Variants in SGMS1 observed in about 807,000 individuals in gnomAD.
The protein encoded by SGMS1 is phosphatidylcholine:ceramide cholinephosphotransferase 1.
In SGMS1, 13 loss-of-function variants were observed where a neutral mutation model predicts 46.2. The ratio of observed to expected loss-of-function variants is 0.28; its 90% CI spans 0.18 to 0.45. The LOEUF (loss-of-function observed/expected upper bound fraction) is 0.45. Among genes scored for constraint, SGMS1 ranks in the 20% least tolerant of loss-of-function variants. The pLI is 1.00. For synonymous variants in SGMS1, 203 were observed against 187.8 expected (o/e 1.08, Z -0.66); for missense variants, 324 against 519.9 (o/e 0.62, Z 3.66).
At position 50,552,787 on chromosome 10, in the gene SGMS1, TGGG is replaced by T. The variant is rs148969001; in HGVS notation, c.-588-32869_-588-32867del. Among the ~76,000 whole-genome samples, 1,182 of 152,216 alleles carry T rather than the reference TGGG, an allele frequency of 7.8e-3. 14 individuals are homozygous for T. Among genetic ancestry groups the T allele is most frequent in the African/African-American group, 0.027 (1,121 of 41,520 alleles). ...TGTGATTAGGTTAATGACCTTGAGA[TGGG>T]GGGATTATCCTGGTGGGCTCTAAAT... On this transcript the variant is annotated intron_variant, in intron 2 of 10. Transcript: ENST00000361781.
chr10:50,417,144 T>A (rs1418448232), intron 6 of SGMS1, among the ~76,000 whole-genome samples: 2 of 152,152 alleles, frequency 1.3e-5, no homozygotes, highest in Non-Finnish European at 2.9e-5. Flanking sequence ...ATTGTGTATA[T>A]CCTCAGTCGT....
chr10:50,512,264 T>C (rs1837762974), intron 3 of SGMS1, among the ~76,000 whole-genome samples: 1 of 151,866 alleles, frequency 6.6e-6, no homozygotes, highest in African/African-American at 2.4e-5. Flanking sequence ...TCTCCATACA[T>C]GATAGCACTC....
At chr10:50,593,580 C>T (rs1306556234) in intron 1 of SGMS1, among the ~76,000 whole-genome samples, 1 of 152,056 alleles carries the variant, frequency 6.6e-6, no homozygotes, top group Non-Finnish European at 1.5e-5. Context: ...CCACTTCCAC[C>T]ACCAAGATTC....
chr10:50,512,378 T>C (rs541391072), intron 3 of SGMS1, among the ~76,000 whole-genome samples: 26 of 152,126 alleles, frequency 1.7e-4, no homozygotes, highest in Non-Finnish European at 3.5e-4. Context: ...TTTGTTTATA[T>C]GGACATTTGC....
intron 6 of SGMS1, among the ~76,000 whole-genome samples, chr10:50,366,499 C>T (rs993827244): frequency 6.6e-6 from 1 of 152,172 alleles, no homozygotes; most frequent in African/African-American, 2.4e-5. Context: ...GACACATGCA[C>T]ACGTATGTTT....
At chr10:50,556,342 G>A (rs1441983530) in intron 2 of SGMS1, among the ~76,000 whole-genome samples, 2 of 152,210 alleles carry the variant, frequency 1.3e-5, no homozygotes, top group Non-Finnish European at 2.9e-5. Context: ...AGTGCTAAGT[G>A]CCATGGAGGA....
At chr10:50,421,004 A>G (rs569848624) in intron 6 of SGMS1, among the ~76,000 whole-genome samples, 29 of 152,360 alleles carry the variant, frequency 1.9e-4, no homozygotes, top group African/African-American at 6.5e-4. Flanking sequence ...GATGTTTCCA[A>G]TAATCCTTAT....
chr10:50,555,121 C>CT (rs1838179775), intron 2 of SGMS1, among the ~76,000 whole-genome samples: 1 of 152,180 alleles, frequency 6.6e-6, no homozygotes, highest in African/African-American at 2.4e-5. Context: ...GAGCCTGAGC[C>CT]TCAGCAAGAA....
At position 50,343,735 on chromosome 10, in the gene SGMS1, T is replaced by C. The variant is rs1362635298; in HGVS notation, c.380A>G (p.Gln127Arg). ...KIPMPELERS[Q>R]YPMEWGKTFL... The stretch of plus-strand genomic sequence containing the variant: ...AGTCTTGCCCCACTCCATGGGGTAC[T>C]GAGAGCGCTCCAGTTCTGGCATGGG... Residue 127 changes from glutamine to arginine, a missense_variant, in exon 7 of 11, where the codon CAG becomes CGG. Physicochemically the swap from Gln to Arg is conservative, Grantham distance 43. Around this residue, in one of 2 missense-constraint regions of SGMS1, gnomAD observed 150 missense variants for 169.8 expected, o/e 0.88. Transcript: ENST00000361781. The C allele has an allele frequency of 2.5e-6, 4 of 1,614,172 alleles. No homozygotes were observed. The highest frequency in any genetic ancestry group is 3.4e-6 in the Non-Finnish European group (4 of 1,180,032).
chr10:50,482,320 C>T (rs563247508), intron 3 of SGMS1, among the ~76,000 whole-genome samples: 1 of 152,320 alleles, frequency 6.6e-6, no homozygotes, highest in South Asian at 2.1e-4. Flanking sequence ...AACAGCAGAA[C>T]TCTCAGTGGA....
chr10:50,437,031 A>G (rs1849482686), intron 5 of SGMS1, among the ~76,000 whole-genome samples: 1 of 152,226 alleles, frequency 6.6e-6, no homozygotes, highest in South Asian at 2.1e-4. Flanking sequence ...TATCAGTACA[A>G]TAACCAGATG....
At chr10:50,600,280 G>A (rs569285781) in intron 1 of SGMS1, among the ~76,000 whole-genome samples, 4 of 152,304 alleles carry the variant, frequency 2.6e-5, no homozygotes, top group African/African-American at 9.6e-5. Flanking sequence ...AAGGGCACTT[G>A]CTTGGGCTTG....
At chr10:50,464,805 G>A (rs986883475) in intron 4 of SGMS1, among the ~76,000 whole-genome samples, 2 of 152,154 alleles carry the variant, frequency 1.3e-5, no homozygotes, top group African/African-American at 4.8e-5. Context: ...AAATTTGTGT[G>A]GAACAAAGAA....
intron 6 of SGMS1, among the ~76,000 whole-genome samples, chr10:50,361,212 G>C (rs1848242274): frequency 6.6e-6 from 1 of 152,132 alleles, no homozygotes; most frequent in African/African-American, 2.4e-5. Context: ...GATCAGTCAA[G>C]AGCTGGCGAT....
In SGMS1 at chr10:50,623,773, G is replaced by A. The variant is rs974271328; in HGVS notation, c.-750C>T. ...AGCCCCCGCCGCGGAATGAAATCCGGGGCAGGGCAGCGTCGGGGCTCCGCA... is the reference window on the plus strand; with the variant it reads ...AGCCCCCGCCGCGGAATGAAATCCGAGGCAGGGCAGCGTCGGGGCTCCGCA... On this transcript the variant is annotated 5_prime_UTR_variant, in exon 1 of 11. Transcript: ENST00000361781. The A allele has an allele frequency of 2.0e-6, 2 of 985,408 alleles. No individual in the cohort carries two copies. The highest frequency in any genetic ancestry group is 3.5e-5 in the African/African-American group (2 of 57,246). The allele number at this position is 985,408 out of a possible 1,614,324, so 61.0% of individuals were successfully genotyped here.
intron 2 of SGMS1, among the ~76,000 whole-genome samples, chr10:50,537,465 A>T (rs1246150479): frequency 2.1e-5 from 3 of 144,982 alleles, no homozygotes; most frequent in Non-Finnish European, 3.0e-5. Context: ...ATATATATAT[A>T]TTTTATTATA....
At chr10:50,575,747 G>A (rs78333263) in intron 2 of SGMS1, among the ~76,000 whole-genome samples, 1,607 of 152,034 alleles carry the variant, frequency 0.011, 12 homozygotes, top group Middle Eastern at 0.017. Flanking sequence ...ATTATGTGAA[G>A]GTTTTTGTAT....
At chr10:50,599,505 A>C (rs57777791) in intron 1 of SGMS1, among the ~76,000 whole-genome samples, 1 of 152,276 alleles carries the variant, frequency 6.6e-6, no homozygotes, top group East Asian at 1.9e-4. Context: ...AGTTTATTCA[A>C]AGACTCCAGA....
At chr10:50,563,721 C>T (rs1224848438) in intron 2 of SGMS1, among the ~76,000 whole-genome samples, 2 of 116,964 alleles carry the variant, frequency 1.7e-5, no homozygotes, top group Non-Finnish European at 3.3e-5. Context: ...CCAGCCTGGG[C>T]GACAGAGCGA....
Sources: allele counts gnomAD v4.1 joint callset (sites outside exome capture counted in the v4.1 genomes callset), GRCh38; gene constraint gnomAD v4.1.1; regional missense constraint gnomAD v4.1.1; transcripts MANE v1.5; gene names NCBI Gene and HGNC (gene_info 2026-07-23, HGNC 2026-07-21).